The following ZNF584 variants were observed in gnomAD, a reference collection of about 807,000 sequenced individuals.
The protein encoded by ZNF584 is zinc finger protein 584.
Under a neutral mutation model 14.7 loss-of-function variants are expected in ZNF584, and 12 were observed. The ratio of observed to expected loss-of-function variants is 0.82; its 90% CI spans 0.52 to 1.32. The LOEUF (loss-of-function observed/expected upper bound fraction) is 1.32, where lower values mean the gene tolerates loss of function less well. Among genes scored for constraint, ZNF584 ranks in the 40% most tolerant of loss-of-function variants. ZNF584 has a pLI of 0.00. For missense variants in ZNF584, 478 were observed against 518.8 expected (o/e 0.92, Z 0.76); for synonymous variants, 204 against 190.9 (o/e 1.07, Z -0.57).
chr19:58,401,909 T>G (rs1039922856), intron 1 of ZNF584, among the ~76,000 whole-genome samples: 3 of 102,036 alleles, frequency 2.9e-5, no homozygotes, highest in African/African-American at 2.0e-4. Context: ...AAAAAAGATT[T>G]TTTTTTTTTT....
chr19:58,411,324 C>G (rs973004856), intron 2 of ZNF584, among the ~76,000 whole-genome samples: 17 of 151,520 alleles, frequency 1.1e-4, no homozygotes, highest in African/African-American at 3.4e-4. Context: ...GTCAGGAGTT[C>G]AAGACCAGCG....
At chr19:58,410,593 GTATATATA>G (rs1210056549) in intron 2 of ZNF584, among the ~76,000 whole-genome samples, 1,573 of 32,850 alleles carry the variant, frequency 0.048, 300 homozygotes, top group Non-Finnish European at 0.057. Context: ...GTATATATAT[GTATATATA>G]TGTATATATA....
intron 2 of ZNF584, among the ~76,000 whole-genome samples, chr19:58,410,539 A>AATTTTT: frequency 2.6e-4 from 10 of 38,696 alleles, no homozygotes; most frequent in Non-Finnish European, 3.2e-4. Context: ...ATATATATAT[A>AATTTTT]TATATATATA....
chr19:58,409,386 G>A (rs980931467), intron 1 of ZNF584, among the ~76,000 whole-genome samples: 1 of 152,244 alleles, frequency 6.6e-6, no homozygotes, highest in African/African-American at 2.4e-5. Context: ...CTCTGGAGAC[G>A]CATGTGCAGA....
At chr19:58,402,625 C>T (rs940309117) in intron 1 of ZNF584, among the ~76,000 whole-genome samples, 4 of 151,978 alleles carry the variant, frequency 2.6e-5, no homozygotes, top group Admixed American at 1.3e-4. Flanking sequence ...GAGTTCGAGA[C>T]CAGCCTGACC....
intron 2 of ZNF584, among the ~76,000 whole-genome samples, chr19:58,410,655 GTGTATATATGTATATATGTGTATATATA>G (rs2052550329): frequency 4.8e-5 from 1 of 20,686 alleles, no homozygotes; most frequent in East Asian, 7.6e-4. Context: ...GTGTATATAT[GTGTATATATGTATATATGTGTATATATA>G]TGTATATATG....
chr19:58,416,696 C>G, intron 3 of ZNF584, 115 bp from the exon 4 acceptor site: 1 of 1,363,252 alleles, frequency 7.3e-7, no homozygotes, highest in Non-Finnish European at 9.7e-7. Flanking sequence ...GCCACCACGC[C>G]TGGCCCTTTC....
Position 58,418,016 on chromosome 19 carries a change from C to T in ZNF584, c.*232C>T, listed in dbSNP as rs899903310. ...TTTATCCACCGCCATCCACCTCTAT[C>T]CACCCCATAAGGTCCCTACAGCAAG... On this transcript the variant is annotated 3_prime_UTR_variant, in exon 4 of 4. Coordinates refer to ENST00000306910, the MANE Select transcript of ZNF584 (RefSeq NM_173548.3). The T allele has an allele frequency of 5.3e-6, 3 of 564,020 alleles. No homozygotes were observed. Among genetic ancestry groups the T allele is most frequent in the African/African-American group, 1.9e-5 (1 of 53,342 alleles). The allele number at this position is 564,020 out of a possible 1,614,324, so 34.9% of individuals were successfully genotyped here.
Position 58,408,892 on chromosome 19 carries a change from G to T in ZNF584, c.-256G>T. The T allele has an allele frequency of 2.5e-6, 1 of 407,876 alleles. No homozygotes were observed. The allele number at this position is 407,876 out of a possible 1,614,324, so 25.3% of individuals were successfully genotyped here. A position where few individuals can be genotyped will look rare whatever the true frequency, so the allele number is the denominator to read the frequency against. On this transcript the variant is annotated 5_prime_UTR_variant, in exon 1 of 4. Transcript: ENST00000306910. ...CAGGGACCTTTGCCGCGCCTTCCAC[G>T]CGCCGTGCCCCACCGGCGAGTGGCT...
intron 2 of ZNF584, among the ~76,000 whole-genome samples, chr19:58,410,440 C>T (rs955998852): frequency 2.0e-5 from 3 of 148,770 alleles, no homozygotes; most frequent in Non-Finnish European, 4.4e-5. Flanking sequence ...CTGGGTTTTG[C>T]CTCCCTACAA....
At chr19:58,401,932 G>A (rs2052434206) in intron 1 of ZNF584, among the ~76,000 whole-genome samples, 1 of 145,614 alleles carries the variant, frequency 6.9e-6, no homozygotes, top group South Asian at 2.2e-4. Context: ...AGCCGGACGT[G>A]GTGGCGGGCG....
At chr19:58,403,794 C>A (rs569719339), upstream of ZNF584, among the ~76,000 whole-genome samples, 13 of 151,982 alleles carry the variant, frequency 8.6e-5, no homozygotes, top group South Asian at 2.1e-3. Context: ...AATGGTGAAA[C>A]CCCAACTCTA....
Position 58,417,890 on chromosome 19 carries a change from C to T in ZNF584, c.*106C>T. 7.2e-7 allele frequency: 1 copy of T among 1,395,486 alleles called. No homozygotes were observed. Among genetic ancestry groups the T allele is most frequent in the Non-Finnish European group, 9.7e-7 (1 of 1,030,678 alleles). 86.4% of individuals were successfully genotyped at this position (1,395,486 alleles called of 1,614,324 possible). ...AAACCTTGCACATCCCAACACCCACCCCAGGGAGAGTTCCCGTGTGTGCCT... is the reference window on the plus strand; with the variant it reads ...AAACCTTGCACATCCCAACACCCACTCCAGGGAGAGTTCCCGTGTGTGCCT... On this transcript the variant is annotated 3_prime_UTR_variant, in exon 4 of 4. Coordinates refer to ENST00000306910, the MANE Select transcript of ZNF584 (RefSeq NM_173548.3).
upstream of ZNF584, chr19:58,405,304 G>A (rs1323164017): frequency 1.2e-5 from 1 of 80,054 alleles, no homozygotes; most frequent in East Asian, 3.4e-4. Context: ...GGAGCGGCTG[G>A]CCGGGCAGAA....
intron 2 of ZNF584, among the ~76,000 whole-genome samples, chr19:58,412,199 C>CTTTTTTTTT (rs35188048): frequency 4.8e-5 from 4 of 83,934 alleles, no homozygotes; most frequent in African/African-American, 2.3e-4. Flanking sequence ...CCAGGGTGGT[C>CTTTTTTTTT]TTTTTTTTTT....
chr19:58,410,755 ATATATATG>A (rs2052558606), intron 2 of ZNF584, among the ~76,000 whole-genome samples: 1 of 40,310 alleles, frequency 2.5e-5, no homozygotes, highest in Admixed American at 2.6e-4. Context: ...GTATATATAT[ATATATATG>A]TATATATATA....
Position 58,417,160 on chromosome 19 carries a change from T to TGTGTGTAA in ZNF584, c.643_650dup (p.Asn217LysfsTer16), listed in dbSNP as rs1158480324. 1.9e-6 allele frequency: 3 copies of TGTGTGTAA among 1,613,744 alleles called. No individual in the cohort carries two copies. Among genetic ancestry groups the TGTGTGTAA allele is most frequent in the Non-Finnish European group, 2.5e-6 (3 of 1,179,728 alleles). Reference sequence around the variant, plus strand: ...AAATTCACACTGGAGAAACAGCCCATGTGTGTAATGAATGTGGGAAGGCCT... The same window carrying TGTGTGTAA: ...AAATTCACACTGGAGAAACAGCCCATGTGTGTAAGTGTGTAATGAATGTGGGAAGGCCT... On this transcript the variant is annotated frameshift_variant, in exon 4 of 4. Coordinates refer to ENST00000306910, the MANE Select transcript of ZNF584 (RefSeq NM_173548.3). LOFTEE classifies it low-confidence loss of function (END_TRUNC).
rs538928631 is a variant in ZNF584 at position 58,418,233 on chromosome 19, A to G, written c.*449A>G. The G allele has an allele frequency of 5.0e-6, 1 of 199,680 alleles. No individual in the cohort carries two copies. The highest frequency in any genetic ancestry group is 2.3e-5 in the African/African-American group (1 of 43,288). The allele number at this position is 199,680 out of a possible 1,614,324, so 12.4% of individuals were successfully genotyped here. A position where few individuals can be genotyped will look rare whatever the true frequency, so the allele number is the denominator to read the frequency against. On this transcript the variant is annotated 3_prime_UTR_variant, in exon 4 of 4. Coordinates refer to ENST00000306910, the MANE Select transcript of ZNF584 (RefSeq NM_173548.3). ...TACCATTTTCATGGAAATGGTTGAC[A>G]TTACACATGGTATTTGTCATGCCCT...
intron 2 of ZNF584, among the ~76,000 whole-genome samples, chr19:58,415,053 C>T (rs564379890): frequency 4.3e-5 from 5 of 117,368 alleles, no homozygotes; most frequent in South Asian, 2.5e-4. Context: ...TCACCACATC[C>T]GCCTGATTTT....
Sources: allele counts gnomAD v4.1 joint callset (sites outside exome capture counted in the v4.1 genomes callset), GRCh38; gene constraint gnomAD v4.1.1; transcripts MANE v1.5; gene names NCBI Gene and HGNC (gene_info 2026-07-23, HGNC 2026-07-21).